SLC2A13: variants seen among roughly 807,000 people sequenced by gnomAD.
SLC2A13 encodes solute carrier family 2 member 13.
In SLC2A13, 32 loss-of-function variants were observed where a neutral mutation model predicts 64.4. That is an observed-to-expected ratio of 0.50 (90% CI 0.37 to 0.67). SLC2A13 has a LOEUF of 0.67. Among genes scored for constraint, SLC2A13 ranks in the 30% least tolerant of loss-of-function variants. The probability of loss-of-function intolerance (pLI) is 0.00; values close to 1 mark genes in which losing one functional copy is unlikely to be tolerated. For synonymous variants in SLC2A13, 338 were observed against 327.1 expected (o/e 1.03, Z -0.36); for missense variants, 743 against 829.2 (o/e 0.90, Z 1.28).
rs1431719986 is a variant in SLC2A13, at chr12:39,759,896, T to A, written c.*130A>T. The A allele has an allele frequency of 4.6e-6, 3 of 650,362 alleles. No homozygotes were observed. The Admixed American group carries it at 8.8e-5, about 19-fold the overall frequency. The allele number at this position is 650,362 out of a possible 1,614,324, so 40.3% of individuals were successfully genotyped here. A position where few individuals can be genotyped will look rare whatever the true frequency, so the allele number is the denominator to read the frequency against. On this transcript the variant is annotated 3_prime_UTR_variant, in exon 10 of 10. Coordinates refer to ENST00000280871, the MANE Select transcript of SLC2A13 (RefSeq NM_052885.4). ...TTGTATCTTCCTCCTAATCAAGTAT[T>A]CTAGAATATGAAGTCAATCAAAACT...
chr12:39,979,791 G>A (rs1252356747), intron 3 of SLC2A13, among the ~76,000 whole-genome samples: 5 of 113,606 alleles, frequency 4.4e-5, no homozygotes, highest in Admixed American at 9.4e-5. Flanking sequence ...TAGCAAGGCA[G>A]GCCAACGTTC....
intron 2 of SLC2A13, among the ~76,000 whole-genome samples, chr12:40,036,131 C>T (rs371552856): frequency 1.3e-5 from 2 of 152,138 alleles, no homozygotes; most frequent in East Asian, 3.8e-4. Flanking sequence ...CAGTAATCAT[C>T]AAACAAAATA....
At chr12:39,890,790 T>C (rs903326022) in intron 4 of SLC2A13, among the ~76,000 whole-genome samples, 2 of 152,212 alleles carry the variant, frequency 1.3e-5, no homozygotes, top group Non-Finnish European at 2.9e-5. Context: ...TGGGACTGAT[T>C]AAACAAATTA....
At chr12:39,921,245 G>A (rs981755466) in intron 4 of SLC2A13, among the ~76,000 whole-genome samples, 5 of 152,010 alleles carry the variant, frequency 3.3e-5, no homozygotes, top group East Asian at 1.9e-4. Flanking sequence ...GCTTTGAAGC[G>A]CATGCATGGT....
chr12:40,025,116 A>T (rs1947782574), intron 3 of SLC2A13, among the ~76,000 whole-genome samples: 1 of 152,224 alleles, frequency 6.6e-6, no homozygotes, highest in African/African-American at 2.4e-5. Flanking sequence ...TAGTGGAAAA[A>T]AACACACAAG....
At position 39,799,948 on chromosome 12, in the gene SLC2A13, C is replaced by T. The variant is rs80155168; in HGVS notation, c.1445+30155G>A. On this transcript the variant is annotated intron_variant, in intron 7 of 9. Coordinates refer to ENST00000280871, the MANE Select transcript of SLC2A13 (RefSeq NM_052885.4). ...GAATCCTTAGAGTAAGAAGTGTTCC[C>T]CATGTGCAGTGGAGCAGCTGATATG... Among the ~76,000 whole-genome samples the T allele has an allele frequency of 6.7e-3, 1,022 of 152,192 alleles. 14 individuals are homozygous for T. The highest frequency in any genetic ancestry group is 0.023 in the African/African-American group (951 of 41,524).
intron 5 of SLC2A13, among the ~76,000 whole-genome samples, chr12:39,871,143 T>G (rs529541459): frequency 6.6e-6 from 1 of 152,278 alleles, no homozygotes; most frequent in Non-Finnish European, 1.5e-5. Context: ...GTGGGTCTCA[T>G]TCTATCAATG....
chr12:40,020,767 G>A (rs1037049225), intron 3 of SLC2A13, among the ~76,000 whole-genome samples: 11 of 152,026 alleles, frequency 7.2e-5, no homozygotes, highest in African/African-American at 2.4e-4. Context: ...GCAATTTGTC[G>A]TATCTTGAAG....
chr12:39,959,319 C>T (rs1946369992), intron 3 of SLC2A13, among the ~76,000 whole-genome samples: 1 of 152,226 alleles, frequency 6.6e-6, no homozygotes, highest in South Asian at 2.1e-4. Flanking sequence ...CATTCTTTCA[C>T]AGTCTGGCAT....
In SLC2A13 at chr12:39,760,086, A is replaced by G. The variant is rs1447767965; in HGVS notation, c.1887T>C (p.Tyr629=). Residue 629 remains tyrosine (Y), a synonymous_variant, in exon 10 of 10, where the codon TAT becomes TAC. Coordinates refer to ENST00000280871, the MANE Select transcript of SLC2A13 (RefSeq NM_052885.4). ...SDSDEGRYIE[Y]IRVKGSNYHL... is the part of the protein sequence containing the mutation. ...GATAGTTACTTCCCTTTACCCGAAT[A>G]TATTCAATATATCTCCCTTCATCAG... 1 of 1,612,918 alleles carries G rather than the reference A, an allele frequency of 6.2e-7. No individual in the cohort carries two copies. Among genetic ancestry groups the G allele is most frequent in the East Asian group, 2.2e-5 (1 of 44,828 alleles).
At chr12:39,971,893 T>C (rs2136130801) in intron 3 of SLC2A13, among the ~76,000 whole-genome samples, 1 of 149,674 alleles carries the variant, frequency 6.7e-6, no homozygotes, top group South Asian at 2.1e-4. Flanking sequence ...AAGAATCGCT[T>C]GAGCCCAGGA....
At chr12:39,850,458 T>C (rs1943436182) in intron 6 of SLC2A13, among the ~76,000 whole-genome samples, 1 of 152,194 alleles carries the variant, frequency 6.6e-6, no homozygotes, top group East Asian at 1.9e-4. Flanking sequence ...AAATTCCAGC[T>C]ATAACAAGCA....
At chr12:40,089,122 A>T (rs1938681950) in intron 1 of SLC2A13, among the ~76,000 whole-genome samples, 3 of 152,216 alleles carry the variant, frequency 2.0e-5, no homozygotes, top group Non-Finnish European at 4.4e-5. Flanking sequence ...TCACTGAAAG[A>T]GTCAGGAGAG....
At chr12:40,061,911 A>G (rs1337965759) in intron 1 of SLC2A13, among the ~76,000 whole-genome samples, 2 of 152,094 alleles carry the variant, frequency 1.3e-5, no homozygotes, top group Admixed American at 1.3e-4. Flanking sequence ...TCTTCCCCAT[A>G]TCGAGATTTA....
chr12:40,097,858 A>C (rs947801281), intron 1 of SLC2A13, among the ~76,000 whole-genome samples: 1 of 152,152 alleles, frequency 6.6e-6, no homozygotes, highest in Non-Finnish European at 1.5e-5. Context: ...ATGGTCCAGC[A>C]ATCTCAATTC....
At chr12:40,016,744 G>A (rs565605430) in intron 3 of SLC2A13, among the ~76,000 whole-genome samples, 1 of 152,186 alleles carries the variant, frequency 6.6e-6, no homozygotes, top group South Asian at 2.1e-4. Flanking sequence ...CAGTAACAAG[G>A]ATCTCCTTCA....
intron 1 of SLC2A13, among the ~76,000 whole-genome samples, chr12:40,054,611 C>A (rs1484024234): frequency 6.6e-6 from 1 of 152,182 alleles, no homozygotes; most frequent in Admixed American, 6.5e-5. Context: ...TGAGAAGTTT[C>A]ACCAGAAAAC....
At chr12:39,849,105 G>GT (rs1943398339) in intron 6 of SLC2A13, among the ~76,000 whole-genome samples, 1 of 152,006 alleles carries the variant, frequency 6.6e-6, no homozygotes, top group Non-Finnish European at 1.5e-5. Flanking sequence ...GTAATAATAT[G>GT]TACAACAAGC....
chr12:40,063,030 C>T (rs985696660), intron 1 of SLC2A13, among the ~76,000 whole-genome samples: 8 of 152,174 alleles, frequency 5.3e-5, no homozygotes, highest in African/African-American at 1.9e-4. Context: ...ATTTATCCAG[C>T]ATCTATTTTT....
Sources: gnomAD v4.1 joint callset for allele counts (sites outside exome capture counted in the v4.1 genomes callset) on GRCh38, gnomAD v4.1.1 for gene constraint, MANE v1.5 for transcripts, NCBI Gene and HGNC (gene_info 2026-07-23, HGNC 2026-07-21) for gene names.